Variants in MALRD1 observed in about 807,000 individuals in gnomAD.
MALRD1 encodes MAM and LDL-receptor class A domain-containing protein 1.
A neutral mutation model predicts 242.1 loss-of-function variants in MALRD1; 247 were observed. The ratio of observed to expected loss-of-function variants is 1.02; its 90% CI spans 0.92 to 1.13. MALRD1 has a LOEUF of 1.13. MALRD1 is among the 50% of genes most tolerant of loss of function. The probability of loss-of-function intolerance (pLI) is 0.00; values close to 1 mark genes in which losing one functional copy is unlikely to be tolerated. For synonymous variants in MALRD1, 995 were observed against 866.6 expected, an observed-to-expected ratio of 1.15 and a Z score of -2.60; for missense variants, 2,989 against 2,533.1, an observed-to-expected ratio of 1.18 and a Z score of -3.86.
intron 36 of MALRD1, among the ~76,000 whole-genome samples, chr10:19,619,672 G>T (rs949361661): frequency 6.6e-6 from 1 of 152,028 alleles, no homozygotes; most frequent in African/African-American, 2.4e-5. Flanking sequence ...AACATCTATT[G>T]TAAAGTGTAA....
At chr10:19,602,983 A>T (rs1366564557) in intron 34 of MALRD1, among the ~76,000 whole-genome samples, 1 of 152,202 alleles carries the variant, frequency 6.6e-6, no homozygotes, top group Non-Finnish European at 1.5e-5. Context: ...TGTTGGCTGC[A>T]TAAATGCCTT....
chr10:19,604,482 GA>G (rs778632675), intron 34 of MALRD1, among the ~76,000 whole-genome samples: 1 of 152,182 alleles, frequency 6.6e-6, no homozygotes, highest in Non-Finnish European at 1.5e-5. Context: ...AGAAAAGCTA[GA>G]AGATAGCAGA....
At chr10:19,052,622 A>G (rs1475751087) in intron 1 of MALRD1, among the ~76,000 whole-genome samples, 1 of 152,084 alleles carries the variant, frequency 6.6e-6, no homozygotes, top group South Asian at 2.1e-4. Flanking sequence ...CCTCTAGCCC[A>G]GGGGGCTTGA....
chr10:19,538,255 A>G (rs930018365), intron 32 of MALRD1, among the ~76,000 whole-genome samples: 1 of 152,232 alleles, frequency 6.6e-6, no homozygotes, highest in Non-Finnish European at 1.5e-5. Context: ...AGACTTCAAT[A>G]TCTTTTCATC....
At chr10:19,594,065 G>T (rs1837951967) in intron 33 of MALRD1, among the ~76,000 whole-genome samples, 1 of 152,096 alleles carries the variant, frequency 6.6e-6, no homozygotes, top group South Asian at 2.1e-4. Flanking sequence ...AGATTCCCTG[G>T]GTGGAGGCCA....
At chr10:19,568,538 G>A (rs1012089339) in intron 33 of MALRD1, among the ~76,000 whole-genome samples, 1 of 152,022 alleles carries the variant, frequency 6.6e-6, no homozygotes, top group African/African-American at 2.4e-5. Flanking sequence ...ACCAGTGTGA[G>A]CCTGCTTCCT....
chr10:19,722,656 T>C (rs1248671861), intron 38 of MALRD1: 1 of 141,954 alleles, frequency 7.0e-6, no homozygotes, highest in Non-Finnish European at 1.5e-5. Context: ...TGATTATTAA[T>C]TTTGACACCT....
intron 36 of MALRD1, 75 bp downstream of exon 36, chr10:19,615,998 A>G: frequency 9.8e-7 from 1 of 1,023,820 alleles, no homozygotes; most frequent in Non-Finnish European, 1.4e-6. Context: ...AGGCTGATAT[A>G]ATAGAGCATC....
chr10:19,303,643 TG>T (rs1842044650), intron 21 of MALRD1, among the ~76,000 whole-genome samples: 1 of 151,730 alleles, frequency 6.6e-6, no homozygotes, highest in African/African-American at 2.4e-5. Context: ...CAAAAATAAA[TG>T]GGTGAGATGA....
intron 38 of MALRD1, among the ~76,000 whole-genome samples, chr10:19,719,181 T>C (rs1589440016): frequency 1.0e-5 from 1 of 98,860 alleles, no homozygotes; most frequent in East Asian, 3.0e-4. Flanking sequence ...CATACATATA[T>C]ATATATATAC....
At chr10:19,575,006 A>C (rs535218581) in intron 33 of MALRD1, among the ~76,000 whole-genome samples, 7 of 152,224 alleles carry the variant, frequency 4.6e-5, no homozygotes, top group Non-Finnish European at 7.3e-5. Context: ...TGGATTGGAA[A>C]GACAGGTAGG....
At chr10:19,251,572 A>G (rs746332248) in intron 18 of MALRD1, among the ~76,000 whole-genome samples, 6 of 151,854 alleles carry the variant, frequency 4.0e-5, no homozygotes, top group Non-Finnish European at 5.9e-5. Flanking sequence ...AGTGTTTTAT[A>G]TCAGTGTATA....
intron 21 of MALRD1, among the ~76,000 whole-genome samples, chr10:19,294,992 A>G (rs2496055): frequency 0.16 from 23,817 of 151,996 alleles, 2,135 homozygotes; most frequent in South Asian, 0.37. Flanking sequence ...ATCTGTAATC[A>G]TCTATTTATT....
intron 34 of MALRD1, among the ~76,000 whole-genome samples, chr10:19,603,908 C>T (rs1310774452): frequency 6.6e-6 from 1 of 152,106 alleles, no homozygotes; most frequent in Admixed American, 6.6e-5. Flanking sequence ...CTGACTGCTC[C>T]ACCAACCAGC....
intron 38 of MALRD1, 114 bp downstream of exon 38, chr10:19,692,668 G>T (rs910252888): frequency 1.5e-5 from 11 of 746,872 alleles, no homozygotes; most frequent in African/African-American, 1.3e-4. Context: ...AAACTTTAGT[G>T]TTTTGCTGCT....
At chr10:19,464,208 C>A (rs562315392) in intron 29 of MALRD1, among the ~76,000 whole-genome samples, 22 of 152,202 alleles carry the variant, frequency 1.4e-4, no homozygotes, top group African/African-American at 4.1e-4. Context: ...TGCAGCAGCT[C>A]TTTAATTTAG....
chr10:19,394,110 C>G (rs565378426), intron 28 of MALRD1, among the ~76,000 whole-genome samples: 1 of 152,204 alleles, frequency 6.6e-6, no homozygotes, highest in South Asian at 2.1e-4. Flanking sequence ...TGTATTCAAG[C>G]CAGAAGTGGA....
At chr10:19,447,689 A>G (rs976083480) in intron 28 of MALRD1, among the ~76,000 whole-genome samples, 1 of 152,304 alleles carries the variant, frequency 6.6e-6, no homozygotes. Flanking sequence ...GTAAATCAAG[A>G]CAGGCTTTTG....
intron 28 of MALRD1, among the ~76,000 whole-genome samples, chr10:19,447,968 C>A (rs181529639): frequency 1.3e-5 from 2 of 152,036 alleles, no homozygotes. Context: ...TGTTAATGAT[C>A]TATCTATAAA....
Sources: gnomAD v4.1 joint callset for allele counts (sites outside exome capture counted in the v4.1 genomes callset) on GRCh38, gnomAD v4.1.1 for gene constraint, MANE v1.5 for transcripts, NCBI Gene and HGNC (gene_info 2026-07-23, HGNC 2026-07-21) for gene names.